The following CCDC7 variants were observed in gnomAD, a reference collection of about 807,000 sequenced individuals.
The protein encoded by CCDC7 is coiled-coil domain-containing protein 7.
CCDC7 carries 183 observed loss-of-function variants against 196.9 expected under a neutral mutation model. The observed-to-expected ratio is 0.93, with a 90% confidence interval of 0.82 to 1.05. CCDC7 has a LOEUF of 1.05. Among genes scored for constraint, CCDC7 ranks in the 50% least tolerant of loss-of-function variants. The pLI is 0.00. For missense variants in CCDC7, 1,540 were observed against 1,482.2 expected (o/e 1.04, Z -0.64); for synonymous variants, 525 against 484.6 (o/e 1.08, Z -1.10).
Position 32,861,353 on chromosome 10 carries a change from A to G in CCDC7, c.4111+6864A>G, listed in dbSNP as rs535318083. On this transcript the variant is annotated intron_variant, in intron 41 of 41. Coordinates refer to ENST00000639629, the Ensembl canonical transcript of CCDC7. Reference sequence around the variant, plus strand: ...TCCCTATTTAATAAATGGTGTTGGGAAAACTGGCTAGTCATATGCAGAAAA... The same window carrying G: ...TCCCTATTTAATAAATGGTGTTGGGGAAACTGGCTAGTCATATGCAGAAAA... Among the ~76,000 whole-genome samples, 16 of 150,888 alleles carry G rather than the reference A, an allele frequency of 1.1e-4. No homozygotes were observed. In the East Asian group the frequency reaches 3.2e-3, roughly 30 times the overall value.
chr10:32,584,850 C>T (rs982700733), intron 18 of CCDC7, among the ~76,000 whole-genome samples: 1 of 149,120 alleles, frequency 6.7e-6, no homozygotes, highest in Admixed American at 6.7e-5. Flanking sequence ...GAAGCAATAG[C>T]TTTATCTCAA....
chr10:32,446,916 CCCTCCCTT>C (rs2031341001), upstream of CCDC7, among the ~76,000 whole-genome samples: 1 of 96,712 alleles, frequency 1.0e-5, no homozygotes, highest in Non-Finnish European at 2.5e-5. Context: ...CTCCCTCCCT[CCCTCCCTT>C]CCTTCCTTCC....
chr10:32,847,664 A>G (rs1371194271), intron 37 of CCDC7, among the ~76,000 whole-genome samples, 169 bp from the exon 39 acceptor site: 1 of 151,848 alleles, frequency 6.6e-6, no homozygotes, highest in Non-Finnish European at 1.5e-5. Flanking sequence ...GCAGTCAGCC[A>G]TGTTCACACC....
chr10:32,616,484 C>T (rs2138965715), intron 18 of CCDC7, among the ~76,000 whole-genome samples: 1 of 151,034 alleles, frequency 6.6e-6, no homozygotes, highest in Middle Eastern at 3.5e-3. Context: ...TGTAAAAATG[C>T]TTCTGATTTC....
At chr10:32,456,758 T>G (rs1271405606) in intron 3 of CCDC7, among the ~76,000 whole-genome samples, 1 of 152,182 alleles carries the variant, frequency 6.6e-6, no homozygotes, top group Non-Finnish European at 1.5e-5. Context: ...ACCATAAGCC[T>G]TATCAATTAG....
intron 20 of CCDC7, among the ~76,000 whole-genome samples, chr10:32,654,341 C>G (rs2069356461): frequency 6.6e-6 from 1 of 152,024 alleles, no homozygotes; most frequent in Admixed American, 6.5e-5. Flanking sequence ...ATTAACTGAT[C>G]TATTTTTGTT....
At chr10:32,854,109 C>T (rs2093663357) in intron 40 of CCDC7, among the ~76,000 whole-genome samples, 1 of 152,116 alleles carries the variant, frequency 6.6e-6, no homozygotes, top group Non-Finnish European at 1.5e-5. Context: ...TTAACTCCTT[C>T]TTGTAAGTAA....
At chr10:32,577,122 G>A (rs1351797306) in intron 16 of CCDC7, among the ~76,000 whole-genome samples, 5 of 152,078 alleles carry the variant, frequency 3.3e-5, no homozygotes, top group Non-Finnish European at 7.4e-5. Flanking sequence ...CAGCATTTTG[G>A]GGAGGCTGAG....
In CCDC7 at chr10:32,492,016, G is replaced by A. The variant is rs762724546; in HGVS notation, c.872+19G>A. 29 of 1,504,996 alleles carry A rather than the reference G, an allele frequency of 1.9e-5. No individual in the cohort carries two copies. The highest frequency in any genetic ancestry group is 2.6e-5 in the Non-Finnish European group (29 of 1,133,400). 93.2% of individuals were successfully genotyped at this position (1,504,996 alleles called of 1,614,324 possible). A position where few individuals can be genotyped will look rare whatever the true frequency, so the allele number is the denominator to read the frequency against. On this transcript the variant is annotated intron_variant, in intron 9 of 41. Coordinates refer to ENST00000639629, the Ensembl canonical transcript of CCDC7. ...TGGAGAGGTAAGCTTTTTTGTTTTT[G>A]CATTTTATTATTTTTCTATTTTTAA...
intron 28 of CCDC7, among the ~76,000 whole-genome samples, chr10:32,752,636 G>T (rs2075832037): frequency 6.6e-6 from 1 of 152,008 alleles, no homozygotes; most frequent in Non-Finnish European, 1.5e-5. Context: ...TACAAAAATT[G>T]GGAAAAGATA....
intron 14 of CCDC7, among the ~76,000 whole-genome samples, chr10:32,567,342 T>G (rs148966159): frequency 1.3e-5 from 2 of 152,032 alleles, no homozygotes; most frequent in East Asian, 1.9e-4. Context: ...ATCCTTCTTA[T>G]AGTCTATCAA....
intron 8 of CCDC7, among the ~76,000 whole-genome samples, chr10:32,490,821 A>G (rs1048385067): frequency 6.6e-6 from 1 of 151,990 alleles, no homozygotes; most frequent in Admixed American, 6.6e-5. Context: ...TTGGTGTTTT[A>G]TTTTATCATT....
chr10:32,755,073 G>GAGTAGGTAAACAACC (rs2076212662), intron 28 of CCDC7, among the ~76,000 whole-genome samples: 2 of 152,188 alleles, frequency 1.3e-5, no homozygotes, highest in African/African-American at 4.8e-5. Context: ...TGGGGGAGGG[G>GAGTAGGTAAACAACC]CATCCACCAT....
Position 32,681,081 on chromosome 10 carries a change from C to A in CCDC7, c.2123-4889C>A, listed in dbSNP as rs566501483. 3.0e-4 allele frequency among the ~76,000 whole-genome samples: 45 copies of A among 152,300 alleles called. 1 individual carries two copies. Among genetic ancestry groups the A allele is most frequent in the Admixed American group, 2.0e-3 (31 of 15,302 alleles). On this transcript the variant is annotated intron_variant, in intron 21 of 41. Coordinates refer to ENST00000639629, the Ensembl canonical transcript of CCDC7. ...ACCTTTGAGATTCCGTTTTCATTAACAAAAGATCTCTTCAAGAAAGCCTTT... is the reference window on the plus strand; with the variant it reads ...ACCTTTGAGATTCCGTTTTCATTAAAAAAAGATCTCTTCAAGAAAGCCTTT...
chr10:32,540,700 C>G (rs1423740496), intron 11 of CCDC7, among the ~76,000 whole-genome samples: 1 of 152,200 alleles, frequency 6.6e-6, no homozygotes, highest in Non-Finnish European at 1.5e-5. Context: ...CCAACCCAGT[C>G]TCTTCTGGCT....
At chr10:32,797,566 A>G (rs2083861725) in intron 29 of CCDC7, among the ~76,000 whole-genome samples, 2 of 149,882 alleles carry the variant, frequency 1.3e-5, no homozygotes, top group Admixed American at 6.7e-5. Flanking sequence ...GGTGCAGTGT[A>G]TACTGCTCGT....
chr10:32,773,955 G>T (rs947215644), intron 28 of CCDC7, among the ~76,000 whole-genome samples: 2 of 152,170 alleles, frequency 1.3e-5, no homozygotes, highest in African/African-American at 4.8e-5. Flanking sequence ...GACTTATAGT[G>T]AGCCCTGTAA....
At chr10:32,754,979 T>G (rs11599909) in intron 28 of CCDC7, among the ~76,000 whole-genome samples, 12,601 of 152,198 alleles carry the variant, frequency 0.083, 560 homozygotes, top group East Asian at 0.16. Context: ...TATCCCGCGC[T>G]GGCTTGGAGG....
At chr10:32,732,017 C>T (rs2084062510) in intron 28 of CCDC7, among the ~76,000 whole-genome samples, 1 of 152,136 alleles carries the variant, frequency 6.6e-6, no homozygotes, top group Non-Finnish European at 1.5e-5. Context: ...GGCCACTGCA[C>T]TCCAGCCTGG....
Sources: gnomAD v4.1 joint callset for allele counts (sites outside exome capture counted in the v4.1 genomes callset) on GRCh38, gnomAD v4.1.1 for gene constraint, MANE v1.5 for transcripts, NCBI Gene and HGNC (gene_info 2026-07-23, HGNC 2026-07-21) for gene names.